Variants in ADGB observed in about 807,000 individuals in gnomAD.
ADGB encodes the protein androglobin, also known as calpain-7-like protein.
A neutral mutation model predicts 210.5 loss-of-function variants in ADGB; 172 were observed. The observed-to-expected ratio is 0.82, with a 90% CI of 0.72 to 0.93. ADGB has a LOEUF of 0.93. ADGB is among the 40% of genes least tolerant of loss of function. The pLI, the probability that ADGB is intolerant of heterozygous loss-of-function variation, is 0.00. For synonymous variants in ADGB, 658 were observed against 662.7 expected, an observed-to-expected ratio of 0.99 and a Z score of 0.11; for missense variants, 2,025 against 1,964.8, an observed-to-expected ratio of 1.03 and a Z score of -0.58.
chr6:146,769,555 G>A (rs1777624028), intron 29 of ADGB, among the ~76,000 whole-genome samples: 1 of 151,948 alleles, frequency 6.6e-6, no homozygotes, highest in Non-Finnish European at 1.5e-5. Context: ...TAGTGAAAGA[G>A]TACTCTGGTT....
intron 11 of ADGB, among the ~76,000 whole-genome samples, chr6:146,691,498 A>ATTTTTTT (rs1319836837): frequency 7.6e-4 from 13 of 17,062 alleles, no homozygotes; most frequent in East Asian, 2.0e-3. Context: ...ATATATATAT[A>ATTTTTTT]TATTTTTTTT....
chr6:146,808,355 A>G (rs1158810631), intron 35 of ADGB, among the ~76,000 whole-genome samples: 1 of 152,102 alleles, frequency 6.6e-6, no homozygotes, highest in African/African-American at 2.4e-5. Context: ...TAGACCAAGA[A>G]CTACCCTGGC....
chr6:146,791,253 A>G (rs1427137861), intron 33 of ADGB, among the ~76,000 whole-genome samples: 1 of 152,220 alleles, frequency 6.6e-6, no homozygotes, highest in African/African-American at 2.4e-5. Flanking sequence ...TATTCAAAGA[A>G]AATATTGCCC....
chr6:146,623,822 C>T (rs2114846308), intron 1 of ADGB, among the ~76,000 whole-genome samples: 1 of 151,864 alleles, frequency 6.6e-6, no homozygotes, highest in Non-Finnish European at 1.5e-5. Context: ...GTTTCTTCTC[C>T]ACATATTTAG....
At chr6:146,744,414 A>C (rs6570777) in intron 25 of ADGB, among the ~76,000 whole-genome samples, 75,244 of 152,042 alleles carry the variant, frequency 0.49, 19,942 homozygotes, top group African/African-American at 0.68. Context: ...AACACCATGT[A>C]TGCAACTTTT....
chr6:146,759,360 C>A (rs1219988653), intron 27 of ADGB, among the ~76,000 whole-genome samples: 1 of 151,548 alleles, frequency 6.6e-6, no homozygotes, highest in African/African-American at 2.4e-5. Context: ...AAATCTTATA[C>A]TAATACTTAT....
intron 1 of ADGB, among the ~76,000 whole-genome samples, chr6:146,629,640 T>C (rs1409190961): frequency 6.6e-6 from 1 of 152,206 alleles, no homozygotes; most frequent in Non-Finnish European, 1.5e-5. Context: ...AATGAAGTAA[T>C]TTTATGCTGG....
intron 13 of ADGB, among the ~76,000 whole-genome samples, chr6:146,706,846 T>G (rs556589602): frequency 1.1e-4 from 2 of 18,614 alleles, no homozygotes; most frequent in South Asian, 1.1e-3. Context: ...CAGCTTAGTG[T>G]TTTTTTTTTT....
rs541256862 is a variant in ADGB at position 146,728,253 on chromosome 6, T to C, written c.2353-321T>C. On this transcript the variant is annotated intron_variant, in intron 19 of 35. Transcript: ENST00000397944. Reference sequence around the variant, plus strand: ...CCCTGAAATCTCTGTTCGTCAGTCCTCAAACTCCACACAGTTTTTTGTCAG... The same window carrying C: ...CCCTGAAATCTCTGTTCGTCAGTCCCCAAACTCCACACAGTTTTTTGTCAG... Among the ~76,000 whole-genome samples, 10 of 152,324 alleles carry C rather than the reference T, an allele frequency of 6.6e-5. No individual in the cohort carries two copies. The South Asian group carries it at 8.3e-4, about 13-fold the overall frequency.
At chr6:146,604,946 T>G (rs890909721) in intron 1 of ADGB, among the ~76,000 whole-genome samples, 3 of 152,150 alleles carry the variant, frequency 2.0e-5, no homozygotes, top group African/African-American at 4.8e-5. Flanking sequence ...TTTTCATTGC[T>G]TCTGTCTAAT....
At chr6:146,734,972 T>C (rs1052792129) in intron 22 of ADGB, among the ~76,000 whole-genome samples, 1 of 152,082 alleles carries the variant, frequency 6.6e-6, no homozygotes, top group Non-Finnish European at 1.5e-5. Flanking sequence ...TGGTTTTTGC[T>C]GACATTTTGA....
chr6:146,627,351 T>A (rs1320389099), intron 1 of ADGB, among the ~76,000 whole-genome samples: 1 of 152,160 alleles, frequency 6.6e-6, no homozygotes, highest in Non-Finnish European at 1.5e-5. Context: ...ACAGACATTA[T>A]GATTTTACCT....
rs550553777 is a variant in ADGB at position 146,670,737 on chromosome 6, T to G, written c.840-1483T>G. 3.3e-5 allele frequency among the ~76,000 whole-genome samples: 5 copies of G among 152,302 alleles called. No homozygotes were observed. The South Asian group carries it at 1.0e-3, about 32-fold the overall frequency. ...GGACCCTCTTTTGTTTTGCTCAATGTAGTGCCTTCTGTGTTTAGAACAGTG... is the reference window on the plus strand; with the variant it reads ...GGACCCTCTTTTGTTTTGCTCAATGGAGTGCCTTCTGTGTTTAGAACAGTG... On this transcript the variant is annotated intron_variant, in intron 7 of 35. Transcript: ENST00000397944.
At chr6:146,707,941 A>G (rs1292041452) in intron 13 of ADGB, among the ~76,000 whole-genome samples, 1 of 151,622 alleles carries the variant, frequency 6.6e-6, no homozygotes, top group East Asian at 1.9e-4. Context: ...TTTCCTTTGT[A>G]ATTAGGTTAT....
At chr6:146,631,553 G>A (rs947687450) in intron 1 of ADGB, among the ~76,000 whole-genome samples, 1 of 152,118 alleles carries the variant, frequency 6.6e-6, no homozygotes, top group Non-Finnish European at 1.5e-5. Flanking sequence ...AGGTATATCA[G>A]AAATGTAAAT....
At chr6:146,728,515 T>A in intron 19 of ADGB, 59 bp from the exon 20 acceptor site, 6 of 1,452,482 alleles carry the variant, frequency 4.1e-6, no homozygotes, top group Non-Finnish European at 5.6e-6. Context: ...TATTAATTTG[T>A]ATAAACTAGA....
chr6:146,741,085 A>G, intron 24 of ADGB, 33 bp from the exon 25 acceptor site: 1 of 1,454,140 alleles, frequency 6.9e-7, no homozygotes, highest in Non-Finnish European at 9.1e-7. Flanking sequence ...AAGAATTCAC[A>G]TCAAGGGAAA....
intron 3 of ADGB, among the ~76,000 whole-genome samples, chr6:146,645,268 T>A (rs1775591158): frequency 6.6e-6 from 1 of 152,056 alleles, no homozygotes; most frequent in Non-Finnish European, 1.5e-5. Context: ...GTTTTGCACA[T>A]AGATACCTCT....
chr6:146,668,679 A>G (rs1775968376), intron 7 of ADGB, among the ~76,000 whole-genome samples: 1 of 152,086 alleles, frequency 6.6e-6, no homozygotes, highest in East Asian at 1.9e-4. Flanking sequence ...TCTCTGTGCA[A>G]TAGTCAGTAG....
Sources: allele counts gnomAD v4.1 joint callset (sites outside exome capture counted in the v4.1 genomes callset), GRCh38; gene constraint gnomAD v4.1.1; transcripts MANE v1.5; gene names NCBI Gene and HGNC (gene_info 2026-07-23, HGNC 2026-07-21).